NAA11: variants seen among roughly 807,000 people sequenced by gnomAD.
NAA11 encodes N-alpha-acetyltransferase 11, NatA catalytic subunit.
A neutral mutation model predicts 16.1 loss-of-function variants in NAA11; 15 were observed. The observed-to-expected ratio is 0.93, with a 90% CI of 0.62 to 1.44. NAA11 has a LOEUF of 1.44. NAA11 is among the 40% of genes most tolerant of loss of function. The pLI is 0.00. For missense variants in NAA11, 298 were observed against 291.3 expected, an observed-to-expected ratio of 1.02 and a Z score of -0.17; for synonymous variants, 122 against 112.4, an observed-to-expected ratio of 1.09 and a Z score of -0.54.
intron 2 of NAA11, among the ~76,000 whole-genome samples, chr4:79,277,162 G>A (rs2109984409): frequency 6.6e-6 from 1 of 152,244 alleles, no homozygotes; most frequent in East Asian, 1.9e-4. Flanking sequence ...TCTATCCAAT[G>A]AGTTAGCCAG....
chr4:79,285,776 C>T (rs549072376), intron 2 of NAA11, among the ~76,000 whole-genome samples: 9 of 152,094 alleles, frequency 5.9e-5, no homozygotes, highest in African/African-American at 2.2e-4. Context: ...TACATGATTT[C>T]TGTCTCATGA....
chr4:79,157,799 A>G, the NAA11 span, among the ~76,000 whole-genome samples: 1 of 152,062 alleles, frequency 6.6e-6, no homozygotes, highest in Non-Finnish European at 1.5e-5. Flanking sequence ...TGTATTTAAC[A>G]TAGTACTGGA....
chr4:79,259,271 ACT>A (rs1354260938), intron 2 of NAA11, among the ~76,000 whole-genome samples: 1 of 151,694 alleles, frequency 6.6e-6, no homozygotes, highest in East Asian at 1.9e-4. Flanking sequence ...CAGGGTTGTG[ACT>A]CTCTCTTTTG....
At chr4:79,276,078 A>T (rs917525749) in intron 2 of NAA11, among the ~76,000 whole-genome samples, 17 of 152,084 alleles carry the variant, frequency 1.1e-4, no homozygotes, top group African/African-American at 4.1e-4. Context: ...ACATGAAGGG[A>T]ATGCATGGAT....
At chr4:79,160,531 C>G in the NAA11 span, among the ~76,000 whole-genome samples, 2 of 152,102 alleles carry the variant, frequency 1.3e-5, no homozygotes, top group East Asian at 1.9e-4. Context: ...TATTGCCTGT[C>G]TTTTTTATTA....
chr4:79,177,266 C>A, the NAA11 span, among the ~76,000 whole-genome samples: 1 of 151,770 alleles, frequency 6.6e-6, no homozygotes, highest in African/African-American at 2.4e-5. Flanking sequence ...GTTGAATTTT[C>A]TCTTCCCTTT....
chr4:79,201,585 T>C, the NAA11 span, among the ~76,000 whole-genome samples: 5 of 151,678 alleles, frequency 3.3e-5, no homozygotes, highest in Non-Finnish European at 7.4e-5. Context: ...TTGCCTGTCA[T>C]ATGTATGTTT....
chr4:79,157,173 G>A, the NAA11 span, among the ~76,000 whole-genome samples: 2 of 151,994 alleles, frequency 1.3e-5, no homozygotes, highest in Non-Finnish European at 2.9e-5. Flanking sequence ...TTCTTTAGCG[G>A]TGATTTGTGA....
chr4:79,287,082 T>G (rs2109989943), intron 2 of NAA11, among the ~76,000 whole-genome samples: 1 of 152,284 alleles, frequency 6.6e-6, no homozygotes, highest in East Asian at 1.9e-4. Context: ...ATTTAGCATG[T>G]TTATAGCACT....
At chr4:79,267,136 C>T (rs1256631440) in intron 2 of NAA11, among the ~76,000 whole-genome samples, 1 of 152,184 alleles carries the variant, frequency 6.6e-6, no homozygotes, top group Non-Finnish European at 1.5e-5. Flanking sequence ...TCATAACCTT[C>T]TTCCTGAAGC....
intron 2 of NAA11, among the ~76,000 whole-genome samples, chr4:79,235,999 C>A (rs1721561268): frequency 6.6e-6 from 1 of 152,038 alleles, no homozygotes; most frequent in African/African-American, 2.4e-5. Flanking sequence ...ACACTTCTAA[C>A]CACTTAATTT....
intron 1 of NAA11, among the ~76,000 whole-genome samples, chr4:79,294,642 TCA>T (rs1239316051): frequency 2.6e-5 from 4 of 152,188 alleles, no homozygotes; most frequent in Non-Finnish European, 5.9e-5. Context: ...TTTGTTCAAA[TCA>T]CTCTCTAAGG....
At chr4:79,214,792 C>T in the NAA11 span, among the ~76,000 whole-genome samples, 10 of 151,916 alleles carry the variant, frequency 6.6e-5, no homozygotes, top group African/African-American at 2.2e-4. Context: ...AGCAAGACTC[C>T]ATCTAAAAAA....
the NAA11 span, among the ~76,000 whole-genome samples, chr4:79,201,178 T>C: frequency 6.6e-6 from 1 of 151,618 alleles, no homozygotes; most frequent in Non-Finnish European, 1.5e-5. Context: ...TTTAGATTAT[T>C]CCCAAATTTC....
chr4:79,159,970 A>ATATTTGAG, the NAA11 span, among the ~76,000 whole-genome samples: 1 of 150,700 alleles, frequency 6.6e-6, no homozygotes. Context: ...ATCTAGATAG[A>ATATTTGAG]TATTTGAGTT....
At chr4:79,188,951 G>T in the NAA11 span, among the ~76,000 whole-genome samples, 2 of 151,722 alleles carry the variant, frequency 1.3e-5, no homozygotes, top group South Asian at 4.2e-4. Context: ...CTTGTGAAGG[G>T]CCGAGCGCAG....
the NAA11 span, among the ~76,000 whole-genome samples, chr4:79,195,192 A>G: frequency 3.9e-5 from 6 of 152,110 alleles, no homozygotes; most frequent in Non-Finnish European, 4.4e-5. Context: ...GACTGTAACT[A>G]CTAAAACAAA....
At chr4:79,318,752 A>C (rs1724005025) in intron 1 of NAA11, among the ~76,000 whole-genome samples, 1 of 152,220 alleles carries the variant, frequency 6.6e-6, no homozygotes. Flanking sequence ...ATGAACAGGC[A>C]TGCAAAAGAA....
intron 2 of NAA11, chr4:79,227,494 G>A (rs923150642): frequency 2.0e-5 from 3 of 151,942 alleles, no homozygotes; most frequent in Admixed American, 6.6e-5. Context: ...GCAGCCAAAG[G>A]AGACTAAGAG....
Sources: allele counts gnomAD v4.1 joint callset (sites outside exome capture counted in the v4.1 genomes callset), GRCh38; gene constraint gnomAD v4.1.1; transcripts MANE v1.5; gene names NCBI Gene and HGNC (gene_info 2026-07-23, HGNC 2026-07-21).